CHST11: variants seen among roughly 807,000 people sequenced by gnomAD.
The protein encoded by CHST11 is C4S-1.
In CHST11, 9 loss-of-function variants were observed where a neutral mutation model predicts 30.4. That is an observed-to-expected ratio of 0.30 (90% confidence interval 0.18 to 0.52). The LOEUF is 0.52. Ranked by LOEUF, CHST11 falls within the 20% of genes least tolerant of loss-of-function variation. The probability of loss-of-function intolerance (pLI) is 0.97; values close to 1 mark genes in which losing one functional copy is unlikely to be tolerated. For synonymous variants in CHST11, 152 were observed against 187.8 expected, an observed-to-expected ratio of 0.81 and a Z score of 1.56; for missense variants, 348 against 460.6, an observed-to-expected ratio of 0.76 and a Z score of 2.24.
rs531321947 is a variant in CHST11 at position 104,622,195 on chromosome 12, G to A, written c.204+20204G>A. Among the ~76,000 whole-genome samples, 55 of 152,192 alleles carry A rather than the reference G, an allele frequency of 3.6e-4. 1 individual carries two copies. The South Asian group carries it at 0.011, about 31-fold the overall frequency. On this transcript the variant is annotated intron_variant, in intron 2 of 2. Coordinates refer to ENST00000303694, the MANE Select transcript of CHST11 (RefSeq NM_018413.6). ...AACCTGAAATTTATATCAGATCACAGTTTTGTGGATAACCAAAATCCTTGT... is the reference window on the plus strand; with the variant it reads ...AACCTGAAATTTATATCAGATCACAATTTTGTGGATAACCAAAATCCTTGT...
At chr12:104,509,579 T>G (rs2037942946) in intron 1 of CHST11, among the ~76,000 whole-genome samples, 3 of 152,190 alleles carry the variant, frequency 2.0e-5, no homozygotes, top group Non-Finnish European at 4.4e-5. Flanking sequence ...TGTTGAACAT[T>G]GATAGAGGAA....
At chr12:104,503,210 G>T (rs535794995) in intron 1 of CHST11, among the ~76,000 whole-genome samples, 7 of 152,354 alleles carry the variant, frequency 4.6e-5, no homozygotes, top group African/African-American at 1.7e-4. Flanking sequence ...ATCTGCTGCT[G>T]CCTGGCTGTA....
At chr12:104,546,832 G>A (rs1382480066) in intron 1 of CHST11, among the ~76,000 whole-genome samples, 1 of 152,218 alleles carries the variant, frequency 6.6e-6, no homozygotes, top group Admixed American at 6.5e-5. Context: ...GTACCCTTGG[G>A]CGGTTGGTAC....
intron 1 of CHST11, among the ~76,000 whole-genome samples, chr12:104,520,759 C>G (rs1343917333): frequency 6.6e-6 from 1 of 152,140 alleles, no homozygotes; most frequent in African/African-American, 2.4e-5. Context: ...ATGGCAGGGG[C>G]TTTTGAATTC....
intron 2 of CHST11, among the ~76,000 whole-genome samples, chr12:104,708,821 A>G (rs1230550701): frequency 2.0e-5 from 3 of 152,176 alleles, no homozygotes. Flanking sequence ...CTCCAGCACG[A>G]TGACCCTGTA....
chr12:104,662,425 TATC>T (rs1207386598), intron 2 of CHST11, among the ~76,000 whole-genome samples: 1 of 152,260 alleles, frequency 6.6e-6, no homozygotes, highest in Non-Finnish European at 1.5e-5. Flanking sequence ...TCCTCCTCCT[TATC>T]ATTGCGGTTA....
chr12:104,458,626 C>CT lies in CHST11; in HGVS notation c.118+1098dup. Among the ~76,000 whole-genome samples, 1 of 152,378 alleles carries CT rather than the reference C, an allele frequency of 6.6e-6. No homozygotes were observed. The highest frequency in any genetic ancestry group is 2.1e-4 in the South Asian group (1 of 4,834). ...GTCTCCCCGCCAAGCCGTGGCTCCCCTGCTCCCTTTTACCCTCCCTTAGCA... is the reference window on the plus strand; with the variant it reads ...GTCTCCCCGCCAAGCCGTGGCTCCCCTTGCTCCCTTTTACCCTCCCTTAGCA... On this transcript the variant is annotated intron_variant, in intron 1 of 2. Coordinates refer to ENST00000303694, the MANE Select transcript of CHST11 (RefSeq NM_018413.6). The surrounding 1 kb of genome is among the most constrained non-coding windows in gnomAD (Gnocchi z 5.7).
intron 2 of CHST11, among the ~76,000 whole-genome samples, chr12:104,608,410 C>T (rs2039026996): frequency 6.6e-6 from 1 of 152,104 alleles, no homozygotes; most frequent in African/African-American, 2.4e-5. Flanking sequence ...TAGAAAAATG[C>T]AAGTTAGTTC....
At chr12:104,647,137 A>G (rs1295346000) in intron 2 of CHST11, among the ~76,000 whole-genome samples, 2 of 152,186 alleles carry the variant, frequency 1.3e-5, no homozygotes, top group Admixed American at 6.5e-5. Flanking sequence ...GAAAGAGCCC[A>G]TTGTCATGAT....
intron 2 of CHST11, among the ~76,000 whole-genome samples, chr12:104,656,556 G>A (rs995929912): frequency 1.3e-5 from 2 of 152,182 alleles, no homozygotes; most frequent in Non-Finnish European, 2.9e-5. Context: ...AGAGCTCAGC[G>A]TGCATGCGGT....
chr12:104,550,885 C>A (rs747641997), intron 1 of CHST11, among the ~76,000 whole-genome samples: 2 of 152,136 alleles, frequency 1.3e-5, no homozygotes, highest in Non-Finnish European at 2.9e-5. Flanking sequence ...CAGTGATGTC[C>A]ACGTCTTTTG....
intron 1 of CHST11, among the ~76,000 whole-genome samples, chr12:104,564,140 C>A (rs565281551): frequency 2.7e-3 from 405 of 152,270 alleles, no homozygotes; most frequent in African/African-American, 9.2e-3. Flanking sequence ...TGAGCACCCC[C>A]CAGAGTGGGC....
intron 2 of CHST11, among the ~76,000 whole-genome samples, chr12:104,633,992 T>G (rs928902460): frequency 6.6e-6 from 1 of 152,204 alleles, no homozygotes. Flanking sequence ...CCCTTGACTT[T>G]TGCTTTTCTT....
At chr12:104,635,710 C>T (rs1265956704) in intron 2 of CHST11, among the ~76,000 whole-genome samples, 1 of 152,212 alleles carries the variant, frequency 6.6e-6, no homozygotes, top group Non-Finnish European at 1.5e-5. Context: ...AAGAGTTCAT[C>T]AGTGCTGGTC....
intron 1 of CHST11, among the ~76,000 whole-genome samples, chr12:104,479,166 A>C (rs2037593080): frequency 6.6e-6 from 1 of 151,872 alleles, no homozygotes; most frequent in Non-Finnish European, 1.5e-5. Context: ...AAGCAAAAAA[A>C]AAGGGCCCCC....
At chr12:104,461,486 AT>A (rs1284989707) in intron 1 of CHST11, among the ~76,000 whole-genome samples, 4 of 152,256 alleles carry the variant, frequency 2.6e-5, no homozygotes, top group African/African-American at 9.6e-5. Context: ...GAGCTGTGTC[AT>A]GCAGTGCAAA....
intron 1 of CHST11, among the ~76,000 whole-genome samples, chr12:104,498,167 A>G (rs1387881652): frequency 1.3e-5 from 2 of 151,454 alleles, no homozygotes; most frequent in Admixed American, 1.3e-4. Flanking sequence ...TGATCCACCC[A>G]CCTCAGCCTC....
intron 1 of CHST11, among the ~76,000 whole-genome samples, chr12:104,539,813 C>T (rs564286740): frequency 6.6e-6 from 1 of 152,192 alleles, no homozygotes; most frequent in East Asian, 1.9e-4. Flanking sequence ...TGCTCAAGTC[C>T]CTTATATAAA....
chr12:104,487,399 C>T (rs1177216105), intron 1 of CHST11, among the ~76,000 whole-genome samples: 1 of 152,150 alleles, frequency 6.6e-6, no homozygotes, highest in Admixed American at 6.5e-5. Context: ...CTAGCTGGGA[C>T]TACAGGCACA....
Sources: gnomAD v4.1 joint callset for allele counts (sites outside exome capture counted in the v4.1 genomes callset) on GRCh38, gnomAD v4.1.1 for gene constraint, Gnocchi (gnomAD v3.1) non-coding constraint, MANE v1.5 for transcripts, NCBI Gene and HGNC (gene_info 2026-07-23, HGNC 2026-07-21) for gene names.